LDB1: variants seen among roughly 807,000 people sequenced by gnomAD.
LDB1 encodes LIM domain-binding protein 1.
In LDB1, 6 loss-of-function variants were observed where a neutral mutation model predicts 49.7. That is an observed-to-expected ratio of 0.12 (90% CI 0.07 to 0.24). The LOEUF is 0.24. Among genes scored for constraint, LDB1 ranks in the 10% least tolerant of loss-of-function variants. The pLI, the probability that LDB1 is intolerant of heterozygous loss-of-function variation, is 1.00. For synonymous variants in LDB1, 233 were observed against 202.0 expected, an observed-to-expected ratio of 1.15 and a Z score of -1.30; for missense variants, 341 against 561.7, an observed-to-expected ratio of 0.61 and a Z score of 3.97.
chr10:102,117,052 G>A lies in LDB1; in HGVS notation c.25+3034C>T, dbSNP rs968640552. 3.9e-5 allele frequency among the ~76,000 whole-genome samples: 6 copies of A among 152,116 alleles called. No homozygotes were observed. In the East Asian group the frequency reaches 9.6e-4, roughly 24 times the overall value. ...GAACCCTGCACTTCTAAACCCACCA[G>A]ATACAAGCCAAGCCCTGCAGCCATT... On this transcript the variant is annotated intron_variant, in intron 1 of 10. Coordinates refer to ENST00000673968, the MANE Select transcript of LDB1 (RefSeq NM_001113407.3). The surrounding 1 kb of genome is among the most constrained non-coding windows in gnomAD (Gnocchi z 4.2).
At position 102,109,018 on chromosome 10, in the gene LDB1, G is replaced by T; in HGVS notation, c.1005+11C>A. The T allele has an allele frequency of 6.2e-7, 1 of 1,614,216 alleles. No individual in the cohort carries two copies. The highest frequency in any genetic ancestry group is 1.3e-5 in the African/African-American group (1 of 75,054). On this transcript the variant is annotated intron_variant, in intron 10 of 10. Coordinates refer to ENST00000673968, the MANE Select transcript of LDB1 (RefSeq NM_001113407.3). The surrounding 1 kb of genome is among the most constrained non-coding windows in gnomAD (Gnocchi z 5.8). ...GCAGCCCAGAAGAGAGAAGAAAGCC[G>T]AGATGCTTACAGGTACCTGGCTGGA...
In LDB1 at chr10:102,109,220, TCC is replaced by T. The variant is rs748266606; in HGVS notation, c.857-45_857-44del. ...GACTCAGATGGGAGAGGGCCCCAGG[TCC>T]CCTATTCTCCATTGTGGCTCCCAAG... On this transcript the variant is annotated intron_variant, in intron 9 of 10. Coordinates refer to ENST00000673968, the MANE Select transcript of LDB1 (RefSeq NM_001113407.3). This position sits in a 1 kb window ranked among gnomAD's most constrained non-coding sequence, Gnocchi z 5.8. 2 of 1,611,378 alleles carry T rather than the reference TCC, an allele frequency of 1.2e-6. No individual in the cohort carries two copies. The highest frequency in any genetic ancestry group is 1.7e-6 in the Non-Finnish European group (2 of 1,179,402).
chr10:102,114,660 G>A, intron 1 of LDB1: 2 of 936,464 alleles, frequency 2.1e-6, no homozygotes, highest in Non-Finnish European at 2.5e-6. Context: ...GGGCCAGGGG[G>A]CCGGCCTGGG....
chr10:102,119,311 GC>G (rs1253977030), intron 1 of LDB1, among the ~76,000 whole-genome samples: 1 of 108,632 alleles, frequency 9.2e-6, no homozygotes, highest in African/African-American at 3.3e-5. Context: ...CCCCCCACCT[GC>G]CCCCCAGGAA....
At position 102,120,274 on chromosome 10, in the gene LDB1, G is replaced by T; in HGVS notation, c.-164C>A. 6 of 983,908 alleles carry T rather than the reference G, an allele frequency of 6.1e-6. No individual in the cohort carries two copies. Among genetic ancestry groups the T allele is most frequent in the Non-Finnish European group, 7.2e-6 (6 of 829,528 alleles). 60.9% of individuals were successfully genotyped at this position (983,908 alleles called of 1,614,324 possible). ...CGGGCGGCCCCTGGCTGCGGCGAGGGGCCTGTCAGGCGCGGAGCAGACAGG... is the reference window on the plus strand; with the variant it reads ...CGGGCGGCCCCTGGCTGCGGCGAGGTGCCTGTCAGGCGCGGAGCAGACAGG... On this transcript the variant is annotated 5_prime_UTR_variant, in exon 1 of 11. Transcript: ENST00000673968.
intron 5 of LDB1, 62 bp downstream of exon 5, chr10:102,110,807 C>T (rs1590282853): frequency 1.9e-6 from 3 of 1,585,924 alleles, no homozygotes; most frequent in East Asian, 2.2e-5. Flanking sequence ...AGACCCACTT[C>T]TAGACCTTAG....
At chr10:102,113,911 C>T (rs987731664) in intron 1 of LDB1, among the ~76,000 whole-genome samples, 6 of 152,246 alleles carry the variant, frequency 3.9e-5, no homozygotes, top group African/African-American at 1.4e-4. Flanking sequence ...ACAAACTCAG[C>T]ATCTCTCCAG....
Position 102,120,217 on chromosome 10 carries a change from C to A in LDB1, c.-107G>T. ...CGCCGCCCGCGGCCCCCGCTGCGCTCGCCGCCGGCCCGGCCCGGCCTCGGC... is the reference window on the plus strand; with the variant it reads ...CGCCGCCCGCGGCCCCCGCTGCGCTAGCCGCCGGCCCGGCCCGGCCTCGGC... On this transcript the variant is annotated 5_prime_UTR_variant, in exon 1 of 11. Coordinates refer to ENST00000673968, the MANE Select transcript of LDB1 (RefSeq NM_001113407.3). 1 of 993,730 alleles carries A rather than the reference C, an allele frequency of 1.0e-6. No individual in the cohort carries two copies. Among genetic ancestry groups the A allele is most frequent in the Non-Finnish European group, 1.2e-6 (1 of 836,384 alleles). 61.6% of individuals were successfully genotyped at this position (993,730 alleles called of 1,614,324 possible). A position where few individuals can be genotyped will look rare whatever the true frequency, so the allele number is the denominator to read the frequency against.
upstream of LDB1, chr10:102,120,382 TGTGTGCGC>T (rs757881780): frequency 5.6e-5 from 55 of 983,352 alleles, no homozygotes; most frequent in Admixed American, 3.1e-4. Flanking sequence ...CGTGTGTGCG[TGTGTGCGC>T]GTGTGCGTGT....
chr10:102,111,185 T>C, intron 3 of LDB1, 41 bp from the exon 4 acceptor site: 1 of 1,609,990 alleles, frequency 6.2e-7, no homozygotes, highest in Non-Finnish European at 8.5e-7. Context: ...GAGCGGAGCC[T>C]GCCCCCTCCA....
At chr10:102,121,058 C>T (rs957956495), upstream of LDB1, among the ~76,000 whole-genome samples, 11 of 152,192 alleles carry the variant, frequency 7.2e-5, no homozygotes, top group African/African-American at 2.7e-4. Context: ...GCCTGCGAAA[C>T]CAGTTGGGAC....
chr10:102,118,052 G>A (rs1055590208), intron 1 of LDB1, among the ~76,000 whole-genome samples: 6 of 151,834 alleles, frequency 4.0e-5, no homozygotes, highest in Non-Finnish European at 8.8e-5. Flanking sequence ...GCCTGCCAGG[G>A]CGCCTCAGCC....
chr10:102,114,643 G>A (rs2068307222), intron 1 of LDB1: 1 of 978,206 alleles, frequency 1.0e-6, no homozygotes, highest in Non-Finnish European at 1.2e-6. Flanking sequence ...ACTGGGCCGG[G>A]GGCCGGGGGC....
rs913697573 is a variant in LDB1, at chr10:102,120,093, G to A, written c.18C>T (p.Ala6=). ...GCCGCACGCCCCACTCACCAGGACA[G>A]GCACAGCCCACTGACATCTTCACAT... MSVGC[A]CPGCSSKSFK... is the part of the protein sequence containing the mutation. Residue 6 remains alanine (A), a synonymous_variant, in exon 1 of 11, where the codon GCC becomes GCT. Transcript: ENST00000673968. The A allele has an allele frequency of 5.6e-6, 8 of 1,423,096 alleles. No homozygotes were observed. Among genetic ancestry groups the A allele is most frequent in the Non-Finnish European group, 6.5e-6 (7 of 1,079,504 alleles). 88.2% of individuals were successfully genotyped at this position (1,423,096 alleles called of 1,614,324 possible).
At chr10:102,112,679 G>C (rs1300575502) in intron 1 of LDB1, among the ~76,000 whole-genome samples, 4 of 148,750 alleles carry the variant, frequency 2.7e-5, no homozygotes, top group African/African-American at 1.0e-4. Context: ...TCTGAGACTT[G>C]GGAGTCGGGG....
chr10:102,110,163 A>G (rs1420307454), intron 6 of LDB1, 120 bp from the exon 7 acceptor site: 2 of 1,120,986 alleles, frequency 1.8e-6, no homozygotes, highest in Non-Finnish European at 2.5e-6. Flanking sequence ...TCACCTGCAC[A>G]TTAAATCTGG....
At position 102,110,897 on chromosome 10, in the gene LDB1, G is replaced by A; in HGVS notation, c.324C>T (p.Phe108=). ...FEDDAMLTIT[F]CLEDGPKRYT... is the part of the protein sequence containing the mutation. Reference sequence around the variant, plus strand: ...ATCTCTTTGGTCCATCCTCCAGGCAGAAAGTGATGGTCAACATGGCATCAT... The same window carrying A: ...ATCTCTTTGGTCCATCCTCCAGGCAAAAAGTGATGGTCAACATGGCATCAT... Residue 108 remains phenylalanine, a synonymous_variant, in exon 5 of 11, where the codon TTC becomes TTT. Transcript: ENST00000673968. 1 of 1,614,046 alleles carries A rather than the reference G, an allele frequency of 6.2e-7. No individual in the cohort carries two copies. Among genetic ancestry groups the A allele is most frequent in the Non-Finnish European group, 8.5e-7 (1 of 1,179,972 alleles).
chr10:102,120,479 C>G, upstream of LDB1: 1 of 789,238 alleles, frequency 1.3e-6, no homozygotes, highest in Non-Finnish European at 1.5e-6. Flanking sequence ...GCGCCGGCGC[C>G]GGCTCCCCAG....
At chr10:102,118,040 C>T (rs904641429) in intron 1 of LDB1, among the ~76,000 whole-genome samples, 1 of 152,028 alleles carries the variant, frequency 6.6e-6, no homozygotes, top group Admixed American at 6.5e-5. Flanking sequence ...AGGCGGCAGG[C>T]GGCCTGCCAG....
Sources: allele counts gnomAD v4.1 joint callset (sites outside exome capture counted in the v4.1 genomes callset), GRCh38; gene constraint gnomAD v4.1.1; non-coding constraint Gnocchi (gnomAD v3.1); transcripts MANE v1.5; gene names NCBI Gene and HGNC (gene_info 2026-07-23, HGNC 2026-07-21).